Variants in SIN3B observed in about 807,000 individuals in gnomAD.
The protein encoded by SIN3B is paired amphipathic helix protein Sin3b.
Under a neutral mutation model 120.2 loss-of-function variants are expected in SIN3B, and 19 were observed. The observed-to-expected ratio is 0.16, with a 90% CI of 0.11 to 0.23. The LOEUF is 0.23. SIN3B is among the 10% of genes least tolerant of loss of function. SIN3B has a pLI of 1.00. For missense variants in SIN3B, 1,073 were observed against 1,573.0 expected (o/e 0.68, Z 5.38); for synonymous variants, 654 against 653.2 (o/e 1.00, Z -0.02).
intron 8 of SIN3B, among the ~76,000 whole-genome samples, chr19:16,861,786 T>G (rs1235349017): frequency 6.6e-6 from 1 of 151,368 alleles, no homozygotes; most frequent in Non-Finnish European, 1.5e-5. Flanking sequence ...AAAAAAAAAT[T>G]TAGCCGGGTG....
At chr19:16,850,635 A>T (rs977147833) in intron 5 of SIN3B, among the ~76,000 whole-genome samples, 1 of 152,112 alleles carries the variant, frequency 6.6e-6, no homozygotes, top group African/African-American at 2.4e-5. Context: ...AAGGCGGAGT[A>T]CGATGGAGGT....
chr19:16,872,053 C>T (rs1219193812), intron 14 of SIN3B, among the ~76,000 whole-genome samples: 1 of 152,100 alleles, frequency 6.6e-6, no homozygotes, highest in African/African-American at 2.4e-5. Flanking sequence ...AAACTGGTCA[C>T]GTAAATATAA....
At chr19:16,838,861 A>T (rs1971380860) in intron 3 of SIN3B, among the ~76,000 whole-genome samples, 1 of 149,734 alleles carries the variant, frequency 6.7e-6, no homozygotes, top group African/African-American at 2.5e-5. Context: ...TTTAGTAGAG[A>T]TAGGGTTTCA....
At chr19:16,869,039 G>A (rs565182427) in intron 12 of SIN3B, among the ~76,000 whole-genome samples, 7 of 152,112 alleles carry the variant, frequency 4.6e-5, no homozygotes, top group African/African-American at 1.4e-4. Context: ...GGAATCAGGC[G>A]CCACCGTTGC....
rs756872370 is a variant in SIN3B at position 16,878,365 on chromosome 19, G to A, written c.3137G>A (p.Arg1046His). 3.0e-5 allele frequency: 49 copies of A among 1,612,112 alleles called. 1 individual carries two copies. In the South Asian group the frequency reaches 3.9e-4, roughly 13 times the overall value. ...AACTCCGAGGACTACATGTACCGTCGCGGGACCCTCTGCCGGGCCAAGCAG... is the reference window on the plus strand; with the variant it reads ...AACTCCGAGGACTACATGTACCGTCACGGGACCCTCTGCCGGGCCAAGCAG... The part of the protein sequence containing the change: ...IVNSEDYMYR[R>H]GTLCRAKQVQ... Residue 1046 changes from arginine (R) to histidine (H), a missense_variant, in exon 18 of 19, where the codon CGC (arginine) becomes CAC (histidine). By Grantham distance (29) the Arg-to-His change is conservative (BLOSUM62 0). Around this residue, in one of 7 missense-constraint regions of SIN3B, gnomAD observed 311 missense variants for 400.3 expected, o/e 0.78. Transcript: ENST00000248054.
intron 3 of SIN3B, among the ~76,000 whole-genome samples, chr19:16,840,617 G>C (rs944473721): frequency 6.6e-6 from 1 of 152,218 alleles, no homozygotes; most frequent in Non-Finnish European, 1.5e-5. Context: ...CTTGCCTGTT[G>C]CAGTAGATTT....
At chr19:16,864,316 A>G (rs1274082816) in intron 10 of SIN3B, among the ~76,000 whole-genome samples, 1 of 151,968 alleles carries the variant, frequency 6.6e-6, no homozygotes, top group East Asian at 1.9e-4. Context: ...TTTAATGTAA[A>G]AATTAAATTT....
chr19:16,874,894 T>G (rs1401439612), intron 14 of SIN3B, among the ~76,000 whole-genome samples: 2 of 150,462 alleles, frequency 1.3e-5, no homozygotes, highest in African/African-American at 4.9e-5. Flanking sequence ...CTGGTCTGGT[T>G]TTGGTCTGGT....
At chr19:16,863,504 C>T (rs1031856322) in intron 9 of SIN3B, 176 bp from the exon 10 acceptor site, 2 of 603,784 alleles carry the variant, frequency 3.3e-6, no homozygotes, top group Non-Finnish European at 3.0e-6. Context: ...GGAGTGTCCA[C>T]TTGACCAAAG....
intron 9 of SIN3B, chr19:16,863,199 G>A (rs529880146): frequency 3.0e-4 from 164 of 542,612 alleles, no homozygotes; most frequent in Non-Finnish European, 3.4e-4. Flanking sequence ...AAATGAAATC[G>A]GCCCTCCGGA....
At chr19:16,860,007 A>T (rs1050176742) in intron 8 of SIN3B, among the ~76,000 whole-genome samples, 13 of 152,208 alleles carry the variant, frequency 8.5e-5, no homozygotes, top group Non-Finnish European at 1.3e-4. Context: ...GGAACATGAA[A>T]GGTGAGAATC....
chr19:16,874,515 G>A (rs1341950810), intron 14 of SIN3B, among the ~76,000 whole-genome samples: 2 of 147,338 alleles, frequency 1.4e-5, no homozygotes, highest in South Asian at 2.1e-4. Context: ...GTCTGATTTG[G>A]TCTGCTCTGA....
In SIN3B at chr19:16,869,636, G is replaced by C; in HGVS notation, c.1983G>C (p.Gln661His). The C allele has an allele frequency of 3.7e-6, 6 of 1,613,594 alleles. No homozygotes were observed. Among genetic ancestry groups the C allele is most frequent in the Non-Finnish European group, 5.1e-6 (6 of 1,180,038 alleles). ...DQGTIHQLLH[Q>H]FVPSLFFSQQ... Reference sequence around the variant, plus strand: ...GCACCATCCACCAGCTGCTGCACCAGTTCGTGCCCAGCCTCTTCTTCTCTC... The same window carrying C: ...GCACCATCCACCAGCTGCTGCACCACTTCGTGCCCAGCCTCTTCTTCTCTC... The change falls in exon 13 of 19, where the codon CAG becomes CAC. Residue 661 changes from glutamine (Q) to histidine (H), a missense_variant. Physicochemically the swap from Gln to His is conservative, Grantham distance 24 (BLOSUM62 0). Transcript: ENST00000248054.
chr19:16,861,160 G>A (rs951748603), intron 8 of SIN3B, among the ~76,000 whole-genome samples: 3 of 152,136 alleles, frequency 2.0e-5, no homozygotes, highest in Non-Finnish European at 4.4e-5. Flanking sequence ...CCAGAGAGGG[G>A]TTCACAGAGA....
rs372700335 is a variant in SIN3B, at chr19:16,877,597, C to T, written c.2912C>T (p.Ser971Leu). The change falls in exon 17 of 19, where the codon TCG becomes TTG. Residue 971 changes from serine to leucine, a missense_variant. Ser to Leu is a moderately radical substitution (Grantham distance 145). This residue lies in a region of SIN3B where 311 missense variants were observed against 400.3 expected (regional missense o/e 0.78). Coordinates refer to ENST00000248054, the MANE Select transcript of SIN3B (RefSeq NM_001297595.2). The part of the protein sequence containing the change: ...QYVGTEGASS[S>L]PTEGFLLKPV... The stretch of plus-strand genomic sequence containing the variant: ...GTGGGGACCGAGGGCGCGTCCAGCT[C>T]GCCCACTGAGGGCTTCCTCCTGAAA... 10 of 1,612,246 alleles carry T rather than the reference C, an allele frequency of 6.2e-6. No individual in the cohort carries two copies. The African/African-American group carries it at 6.7e-5, about 11-fold the overall frequency.
chr19:16,830,017 C>A, intron 2 of SIN3B, 120 bp downstream of exon 2: 1 of 672,278 alleles, frequency 1.5e-6, no homozygotes, highest in Non-Finnish European at 2.7e-6. Flanking sequence ...GCAGGTTGTC[C>A]AATCTCTCAG....
chr19:16,875,487 G>A (rs1471411183), intron 14 of SIN3B, among the ~76,000 whole-genome samples: 6 of 143,280 alleles, frequency 4.2e-5, no homozygotes, highest in African/African-American at 1.6e-4. Flanking sequence ...GTCTGGTTTG[G>A]GTCTGGTCTG....
chr19:16,854,294 G>A (rs1191190151), intron 8 of SIN3B, 33 bp downstream of exon 8: 7 of 1,433,744 alleles, frequency 4.9e-6, no homozygotes, highest in Non-Finnish European at 6.8e-6. Context: ...CTCCCTAGGG[G>A]GGTTCTGTTC....
intron 3 of SIN3B, among the ~76,000 whole-genome samples, chr19:16,839,557 C>T (rs1293137372): frequency 6.6e-6 from 1 of 152,110 alleles, no homozygotes; most frequent in Non-Finnish European, 1.5e-5. Context: ...AGTGAGCCTA[C>T]AGCTGCCTCT....
Sources: allele counts gnomAD v4.1 joint callset (sites outside exome capture counted in the v4.1 genomes callset), GRCh38; gene constraint gnomAD v4.1.1; regional missense constraint gnomAD v4.1.1; transcripts MANE v1.5; gene names NCBI Gene and HGNC (gene_info 2026-07-23, HGNC 2026-07-21).